NEMP2: variants seen among roughly 807,000 people sequenced by gnomAD.
The protein encoded by NEMP2 is nuclear envelope integral membrane protein 2, also known as UPF0571 transmembrane protein.
Under a neutral mutation model 54.2 loss-of-function variants are expected in NEMP2, and 53 were observed. The ratio of observed to expected loss-of-function variants is 0.98; its 90% CI spans 0.78 to 1.23. The LOEUF (loss-of-function observed/expected upper bound fraction) is 1.23, where lower values mean the gene tolerates loss of function less well. NEMP2 is among the 50% of genes most tolerant of loss of function. NEMP2 has a pLI of 0.00. For missense variants in NEMP2, 455 were observed against 511.3 expected (o/e 0.89, Z 1.06); for synonymous variants, 197 against 190.3 (o/e 1.04, Z -0.29).
chr2:190,638,296 T>C, the NEMP2 span, among the ~76,000 whole-genome samples: 1 of 152,116 alleles, frequency 6.6e-6, no homozygotes, highest in Admixed American at 6.5e-5. This position sits in a 1 kb window ranked among gnomAD's most constrained non-coding sequence, Gnocchi z 5.7. Context: ...TCCATTCTGC[T>C]TGCAAAATGC....
intron 5 of NEMP2, among the ~76,000 whole-genome samples, chr2:190,517,090 C>CAAAAAAAAAAAAAA: frequency 1.1e-5 from 1 of 89,402 alleles, no homozygotes. Context: ...GACTGTGTCT[C>CAAAAAAAAAAAAAA]AAAAAAAAAA....
the NEMP2 span, among the ~76,000 whole-genome samples, chr2:190,493,544 T>C: frequency 9.2e-5 from 14 of 152,304 alleles, no homozygotes; most frequent in Admixed American, 9.2e-4. Context: ...AACAGATATT[T>C]ACAGAACATT....
At chr2:190,579,858 T>C in the NEMP2 span, among the ~76,000 whole-genome samples, 1 of 152,258 alleles carries the variant, frequency 6.6e-6, no homozygotes, top group Admixed American at 6.5e-5. Context: ...ACTGAAAGAA[T>C]GCTAGAAGTG....
the NEMP2 span, among the ~76,000 whole-genome samples, chr2:190,544,927 CCG>C: frequency 2.7e-5 from 3 of 109,386 alleles, no homozygotes; most frequent in Non-Finnish European, 4.0e-5. Context: ...GTCTCTACCC[CCG>C]CAAAAAAAAA....
chr2:190,536,122 T>C (rs1039116118), upstream of NEMP2: 2 of 152,258 alleles, frequency 1.3e-5, no homozygotes, highest in Non-Finnish European at 2.9e-5. Flanking sequence ...AAAGAAGCTA[T>C]ATTGAAACAC....
the NEMP2 span, among the ~76,000 whole-genome samples, chr2:190,570,952 A>G: frequency 3.9e-5 from 6 of 152,190 alleles, no homozygotes; most frequent in Non-Finnish European, 8.8e-5. This position sits in a 1 kb window ranked among gnomAD's most constrained non-coding sequence, Gnocchi z 5.4. Flanking sequence ...CAGTTAGCAA[A>G]TTTATTGTTT....
chr2:190,581,894 T>C, the NEMP2 span, among the ~76,000 whole-genome samples: 2 of 152,100 alleles, frequency 1.3e-5, no homozygotes, highest in East Asian at 3.9e-4. Flanking sequence ...TAACTTGAAA[T>C]TGGCCATGAT....
chr2:190,523,160 C>T lies in NEMP2; in HGVS notation c.213+2103G>A, dbSNP rs1222319424. Among the ~76,000 whole-genome samples the T allele has an allele frequency of 6.6e-6, 1 of 151,876 alleles. No homozygotes were observed. Among genetic ancestry groups the T allele is most frequent in the African/African-American group, 2.4e-5 (1 of 41,326 alleles). On this transcript the variant is annotated intron_variant, in intron 2 of 8. Coordinates refer to ENST00000409150, the MANE Select transcript of NEMP2 (RefSeq NM_001142645.2). This position sits in a 1 kb window ranked among gnomAD's most constrained non-coding sequence, Gnocchi z 5.3. ...ATGGGGGAAAACCTTGAAATTGAAA[C>T]AAATAAAAACAAACTATATTTTGAA...
the NEMP2 span, chr2:190,646,796 G>A: frequency 2.6e-5 from 4 of 152,238 alleles, no homozygotes; most frequent in Non-Finnish European, 5.9e-5. Context: ...AGCTTGGGAA[G>A]AGGATTTAAT....
Position 190,508,082 on chromosome 2 carries a change from A to T in NEMP2, c.*1107T>A, listed in dbSNP as rs572716693. 1 of 152,224 alleles carries T rather than the reference A, an allele frequency of 6.6e-6. No homozygotes were observed. The allele number at this position is 152,224 out of a possible 1,614,324, so 9.4% of individuals were successfully genotyped here. A position where few individuals can be genotyped will look rare whatever the true frequency, so the allele number is the denominator to read the frequency against. On this transcript the variant is annotated 3_prime_UTR_variant, in exon 9 of 9. Coordinates refer to ENST00000409150, the MANE Select transcript of NEMP2 (RefSeq NM_001142645.2). The surrounding 1 kb of genome is among the most constrained non-coding windows in gnomAD (Gnocchi z 4.3). Reference sequence around the variant, plus strand: ...ATGAATCAAGAAAAAAAATCATTTTATAAGAAATTGTTACAAACACCTATA... The same window carrying T: ...ATGAATCAAGAAAAAAAATCATTTTTTAAGAAATTGTTACAAACACCTATA...
rs548151957 is a variant in NEMP2, at chr2:190,514,818, A to G, written c.728-140T>C. Reference sequence around the variant, plus strand: ...TTTTTTACCCCATAAAGTAAGGTTGAAAAATGCACATAGGGTGTTATTCCT... The same window carrying G: ...TTTTTTACCCCATAAAGTAAGGTTGGAAAATGCACATAGGGTGTTATTCCT... On this transcript the variant is annotated intron_variant, in intron 6 of 8. Transcript: ENST00000409150. The surrounding 1 kb of genome is among the most constrained non-coding windows in gnomAD (Gnocchi z 5.7). The G allele has an allele frequency of 4.1e-6, 3 of 734,610 alleles. No individual in the cohort carries two copies. Among genetic ancestry groups the G allele is most frequent in the Non-Finnish European group, 6.7e-6 (3 of 445,580 alleles). The allele number at this position is 734,610 out of a possible 1,614,324, so 45.5% of individuals were successfully genotyped here. A position where few individuals can be genotyped will look rare whatever the true frequency, so the allele number is the denominator to read the frequency against.
upstream of NEMP2, among the ~76,000 whole-genome samples, chr2:190,537,157 ATTAC>A (rs1196733338): frequency 6.6e-6 from 1 of 152,238 alleles, no homozygotes; most frequent in African/African-American, 2.4e-5. Context: ...AAAGAGGAAA[ATTAC>A]TTAAAAAGTG....
At chr2:190,497,272 C>A in the NEMP2 span, among the ~76,000 whole-genome samples, 1 of 152,088 alleles carries the variant, frequency 6.6e-6, no homozygotes, top group African/African-American at 2.4e-5. The surrounding 1 kb of genome is among the most constrained non-coding windows in gnomAD (Gnocchi z 5.2). Context: ...TTCATTGATT[C>A]AGTACTTACA....
the NEMP2 span, among the ~76,000 whole-genome samples, chr2:190,553,759 A>T: frequency 6.6e-6 from 1 of 151,856 alleles, no homozygotes; most frequent in East Asian, 1.9e-4. Flanking sequence ...TCAAACATTT[A>T]CTCCTGAGTG....
Position 190,514,407 on chromosome 2 carries a change from A to C in NEMP2, c.953+46T>G. Reference sequence around the variant, plus strand: ...AAACACTCTCCCAAATAATAAAACTAGAGCTCAAAATGTCAAATTTGCTGG... The same window carrying C: ...AAACACTCTCCCAAATAATAAAACTCGAGCTCAAAATGTCAAATTTGCTGG... On this transcript the variant is annotated intron_variant, in intron 7 of 8. Coordinates refer to ENST00000409150, the MANE Select transcript of NEMP2 (RefSeq NM_001142645.2). The surrounding 1 kb of genome is among the most constrained non-coding windows in gnomAD (Gnocchi z 5.7). 7.7e-6 allele frequency: 11 copies of C among 1,427,534 alleles called. No homozygotes were observed. The highest frequency in any genetic ancestry group is 1.2e-5 in the South Asian group (1 of 80,806). 88.4% of individuals were successfully genotyped at this position (1,427,534 alleles called of 1,614,324 possible). A position where few individuals can be genotyped will look rare whatever the true frequency, so the allele number is the denominator to read the frequency against.
At chr2:190,571,861 CCA>C in the NEMP2 span, among the ~76,000 whole-genome samples, 4 of 152,126 alleles carry the variant, frequency 2.6e-5, no homozygotes, top group Non-Finnish European at 5.9e-5. Context: ...TCCCTGCCCT[CCA>C]CACACACAGT....
At position 190,515,016 on chromosome 2, in the gene NEMP2, C is replaced by A. The variant is rs1437189026; in HGVS notation, c.728-338G>T. Among the ~76,000 whole-genome samples the A allele has an allele frequency of 2.6e-5, 4 of 152,076 alleles. No homozygotes were observed. In the East Asian group the frequency reaches 7.7e-4, roughly 29 times the overall value. On this transcript the variant is annotated intron_variant, in intron 6 of 8. Transcript: ENST00000409150. ...GTTGTATGTCACCATTGGCTACAAA[C>A]CCTATTTTTTATTTTTACCTTCTTG...
chr2:190,518,244 G>A (rs1348025664), intron 4 of NEMP2, among the ~76,000 whole-genome samples: 6 of 152,184 alleles, frequency 3.9e-5, no homozygotes, highest in African/African-American at 9.7e-5. Flanking sequence ...TTTCTCAGAT[G>A]AGAACTTGTC....
In NEMP2 at chr2:190,522,982, T is replaced by G. The variant is rs1460223813; in HGVS notation, c.213+2281A>C. Among the ~76,000 whole-genome samples, 5 of 152,204 alleles carry G rather than the reference T, an allele frequency of 3.3e-5. No homozygotes were observed. The highest frequency in any genetic ancestry group is 7.3e-5 in the Non-Finnish European group (5 of 68,030). ...AAAACCAAGCTGTGCCCTGACCACC[T>G]TGGGCACATGTTCTCAGAATCTGAG... On this transcript the variant is annotated intron_variant, in intron 2 of 8. Coordinates refer to ENST00000409150, the MANE Select transcript of NEMP2 (RefSeq NM_001142645.2). This position sits in a 1 kb window ranked among gnomAD's most constrained non-coding sequence, Gnocchi z 5.0.
Sources: allele counts gnomAD v4.1 joint callset (sites outside exome capture counted in the v4.1 genomes callset), GRCh38; gene constraint gnomAD v4.1.1; non-coding constraint Gnocchi (gnomAD v3.1); transcripts MANE v1.5; gene names NCBI Gene and HGNC (gene_info 2026-07-23, HGNC 2026-07-21).